The following ADCY2 variants were observed in gnomAD, a reference collection of about 807,000 sequenced individuals.
ADCY2 encodes the protein adenylate cyclase type 2.
Under a neutral mutation model 125.2 loss-of-function variants are expected in ADCY2, and 31 were observed. The ratio of observed to expected loss-of-function variants is 0.25; its 90% CI spans 0.19 to 0.33. The LOEUF (loss-of-function observed/expected upper bound fraction) is 0.33, where lower values mean the gene tolerates loss of function less well. Among genes scored for constraint, ADCY2 ranks in the 10% least tolerant of loss-of-function variants. The pLI, the probability that ADCY2 is intolerant of heterozygous loss-of-function variation, is 1.00. For synonymous variants in ADCY2, 512 were observed against 548.4 expected, an observed-to-expected ratio of 0.93 and a Z score of 0.93; for missense variants, 904 against 1,418.2, an observed-to-expected ratio of 0.64 and a Z score of 5.82.
Position 7,805,033 on chromosome 5 carries a change from A to G in ADCY2, c.2883+341A>G, listed in dbSNP as rs1287485037. Among the ~76,000 whole-genome samples the G allele has an allele frequency of 2.0e-5, 3 of 152,206 alleles. No individual in the cohort carries two copies. The East Asian group carries it at 5.8e-4, about 29-fold the overall frequency. Reference sequence around the variant, plus strand: ...CTTTTGATTTAAAAGAATATAGTCAAGGCCGTGTGCGGTGGCTCACGTCTG... The same window carrying G: ...CTTTTGATTTAAAAGAATATAGTCAGGGCCGTGTGCGGTGGCTCACGTCTG... On this transcript the variant is annotated intron_variant, in intron 22 of 24. Coordinates refer to ENST00000338316, the MANE Select transcript of ADCY2 (RefSeq NM_020546.3).
At chr5:7,732,794 T>C (rs1742144200) in intron 14 of ADCY2, among the ~76,000 whole-genome samples, 1 of 152,232 alleles carries the variant, frequency 6.6e-6, no homozygotes, top group Non-Finnish European at 1.5e-5. Context: ...ATTTGTTACC[T>C]GGAAAGGACC....
At chr5:7,803,582 A>G (rs1406120662) in intron 21 of ADCY2, among the ~76,000 whole-genome samples, 1 of 152,184 alleles carries the variant, frequency 6.6e-6, no homozygotes, top group Non-Finnish European at 1.5e-5. Flanking sequence ...TGGGACGCTG[A>G]TAACTAATTC....
At chr5:7,418,881 C>T (rs1447191347) in intron 2 of ADCY2, among the ~76,000 whole-genome samples, 1 of 152,080 alleles carries the variant, frequency 6.6e-6, no homozygotes, top group Non-Finnish European at 1.5e-5. Context: ...CCTTGAACTT[C>T]TGACCTCATG....
At chr5:7,561,363 C>G (rs1452155566) in intron 3 of ADCY2, among the ~76,000 whole-genome samples, 2 of 152,186 alleles carry the variant, frequency 1.3e-5, no homozygotes, top group African/African-American at 4.8e-5. Flanking sequence ...CAGCTTCTTG[C>G]TCCTAGGCTA....
rs112474876 is a variant in ADCY2 at position 7,723,130 on chromosome 5, C to T, written c.1704-1415C>T. 4.4e-3 allele frequency among the ~76,000 whole-genome samples: 668 copies of T among 151,726 alleles called. 9 individuals are homozygous for T. The highest frequency in any genetic ancestry group is 0.015 in the African/African-American group (615 of 41,332). ...CGGACACATAGAGGACAATGACACA[C>T]GCTGGGGCCTGTTGGAGGGTGGAGG... is the stretch of plus-strand genomic sequence containing the variant. On this transcript the variant is annotated intron_variant, in intron 12 of 24. Transcript: ENST00000338316.
At chr5:7,480,368 T>C (rs1246102962) in intron 2 of ADCY2, among the ~76,000 whole-genome samples, 3 of 152,154 alleles carry the variant, frequency 2.0e-5, no homozygotes, top group African/African-American at 7.2e-5. Context: ...CCAATAATGA[T>C]AGACTGGATA....
At chr5:7,541,069 C>G (rs1734980440) in intron 3 of ADCY2, among the ~76,000 whole-genome samples, 1 of 152,140 alleles carries the variant, frequency 6.6e-6, no homozygotes, top group Admixed American at 6.5e-5. Flanking sequence ...AGCGTATCAG[C>G]TACTGGAGCC....
intron 3 of ADCY2, among the ~76,000 whole-genome samples, chr5:7,614,513 C>T (rs1406079996): frequency 1.3e-5 from 2 of 152,166 alleles, no homozygotes; most frequent in Admixed American, 1.3e-4. Context: ...CTTATCAGCC[C>T]AAAAGTCCAC....
At chr5:7,501,639 T>TCCCCCCCCCCCCCACCCCCCCCCCCCCC (rs1491333374) in intron 2 of ADCY2, among the ~76,000 whole-genome samples, 1 of 37,212 alleles carries the variant, frequency 2.7e-5, no homozygotes, top group Non-Finnish European at 5.1e-5. Context: ...AGAATGAGAT[T>TCCCCCCCCCCCCCACCCCCCCCCCCCCC]CCCCCCTCCC....
At chr5:7,811,512 GA>G (rs1407938143) in intron 22 of ADCY2, among the ~76,000 whole-genome samples, 2 of 129,808 alleles carry the variant, frequency 1.5e-5, no homozygotes, top group Non-Finnish European at 3.0e-5. Context: ...AAAAAAAAAA[GA>G]AAAAAAATCT....
chr5:7,724,408 G>GTT lies in ADCY2; in HGVS notation c.1704-121_1704-120dup, dbSNP rs371811181. ...CATATCCAGTTAGTTGGCATCACGT[G>GTT]TTTTTTTTTTTTTTTTTAAATGCTG... On this transcript the variant is annotated intron_variant, in intron 12 of 24. Coordinates refer to ENST00000338316, the MANE Select transcript of ADCY2 (RefSeq NM_020546.3). 4,036 of 562,994 alleles carry GTT rather than the reference G, an allele frequency of 7.2e-3. 4 individuals are homozygous for GTT. Among genetic ancestry groups the GTT allele is most frequent in the Non-Finnish European group, 8.7e-3 (2,883 of 330,216 alleles). 34.9% of individuals were successfully genotyped at this position (562,994 alleles called of 1,614,324 possible).
At position 7,396,440 on chromosome 5, in the gene ADCY2, C is replaced by G. The variant is rs748921658; in HGVS notation, c.144C>G (p.Val48=). 4.4e-6 allele frequency: 7 copies of G among 1,578,294 alleles called. No homozygotes were observed. In the East Asian group the frequency reaches 9.7e-5, roughly 22 times the overall value. ...YCMSQQHPLI[V]FLLLIVMGSC... ...TGAGCCAGCAGCACCCGCTCATCGT[C>G]TTCCTGCTGCTCATCGTCATGGGCT... Residue 48 remains valine, a synonymous_variant, in exon 1 of 25, where the codon GTC becomes GTG. Coordinates refer to ENST00000338316, the MANE Select transcript of ADCY2 (RefSeq NM_020546.3). The surrounding 1 kb of genome is among the most constrained non-coding windows in gnomAD (Gnocchi z 5.7).
chr5:7,745,984 T>A (rs1474461726), intron 15 of ADCY2, among the ~76,000 whole-genome samples: 1 of 152,200 alleles, frequency 6.6e-6, no homozygotes, highest in Non-Finnish European at 1.5e-5. Context: ...CCTTTCAGCC[T>A]CGCTGGAATC....
chr5:7,791,769 C>T (rs226776), intron 20 of ADCY2, among the ~76,000 whole-genome samples: 29,969 of 151,992 alleles, frequency 0.2, 3,656 homozygotes, highest in East Asian at 0.62. Context: ...GCCCAGGATA[C>T]AGAGATGAAT....
chr5:7,536,206 C>G (rs986762820), intron 3 of ADCY2, among the ~76,000 whole-genome samples: 2 of 152,252 alleles, frequency 1.3e-5, no homozygotes, highest in South Asian at 2.1e-4. Context: ...ATCCTCCAGA[C>G]TTTCCCTGCT....
intron 15 of ADCY2, among the ~76,000 whole-genome samples, chr5:7,752,914 T>C (rs1264934985): frequency 5.4e-5 from 5 of 92,876 alleles, no homozygotes; most frequent in African/African-American, 1.6e-4. Flanking sequence ...TTTTTTTTTT[T>C]CTGAGACACA....
intron 18 of ADCY2, among the ~76,000 whole-genome samples, chr5:7,778,733 T>G (rs1402863986): frequency 6.6e-6 from 1 of 152,176 alleles, no homozygotes; most frequent in Non-Finnish European, 1.5e-5. Flanking sequence ...TGGCTGGAAT[T>G]TAGGATATTG....
At chr5:7,698,042 T>C (rs916724032) in intron 6 of ADCY2, among the ~76,000 whole-genome samples, 1 of 152,206 alleles carries the variant, frequency 6.6e-6, no homozygotes, top group African/African-American at 2.4e-5. Flanking sequence ...CCCTTTTCTT[T>C]CTTTATTCCT....
In ADCY2 at chr5:7,639,499, T is replaced by G. The variant is rs557284211; in HGVS notation, c.720+13183T>G. Among the ~76,000 whole-genome samples, 6 of 152,332 alleles carry G rather than the reference T, an allele frequency of 3.9e-5. No homozygotes were observed. In the South Asian group the frequency reaches 1.2e-3, roughly 32 times the overall value. ...TGTAATAATTAGTTATTATCAGTAGTCCTAAAACCATGTCTTCCAATACTT... is the reference window on the plus strand; with the variant it reads ...TGTAATAATTAGTTATTATCAGTAGGCCTAAAACCATGTCTTCCAATACTT... On this transcript the variant is annotated intron_variant, in intron 4 of 24. Coordinates refer to ENST00000338316, the MANE Select transcript of ADCY2 (RefSeq NM_020546.3).
Sources: gnomAD v4.1 joint callset for allele counts (sites outside exome capture counted in the v4.1 genomes callset) on GRCh38, gnomAD v4.1.1 for gene constraint, Gnocchi (gnomAD v3.1) non-coding constraint, MANE v1.5 for transcripts, NCBI Gene and HGNC (gene_info 2026-07-23, HGNC 2026-07-21) for gene names.